The following LAMB4 variants were observed in gnomAD, a reference collection of about 807,000 sequenced individuals.
LAMB4 encodes the protein laminin subunit beta-4.
A neutral mutation model predicts 199.2 loss-of-function variants in LAMB4; 196 were observed. That is an observed-to-expected ratio of 0.98 (90% confidence interval 0.88 to 1.11). The LOEUF (loss-of-function observed/expected upper bound fraction) is 1.11. Ranked by LOEUF, LAMB4 falls within the 50% of genes least tolerant of loss-of-function variation. LAMB4 has a pLI of 0.00. For missense variants in LAMB4, 2,080 were observed against 2,171.2 expected, an observed-to-expected ratio of 0.96 and a Z score of 0.83; for synonymous variants, 744 against 770.6, an observed-to-expected ratio of 0.97 and a Z score of 0.57.
chr7:108,084,220 G>A (rs989979142), intron 14 of LAMB4, among the ~76,000 whole-genome samples: 9 of 152,218 alleles, frequency 5.9e-5, no homozygotes, highest in Admixed American at 3.9e-4. Context: ...ACCAACTGCA[G>A]CAGCCAGAGG....
At chr7:108,096,897 C>T (rs1227415813) in intron 11 of LAMB4, among the ~76,000 whole-genome samples, 1 of 125,684 alleles carries the variant, frequency 8.0e-6, no homozygotes. Context: ...GATTGTGCCA[C>T]TGTAAGCCAG....
intron 30 of LAMB4, among the ~76,000 whole-genome samples, chr7:108,037,095 G>T (rs1242179987): frequency 6.6e-6 from 1 of 151,854 alleles, no homozygotes; most frequent in South Asian, 2.1e-4. Context: ...TAAAGTATTG[G>T]CATATAATGA....
At chr7:108,061,513 C>A (rs1584658907) in intron 23 of LAMB4, among the ~76,000 whole-genome samples, 1 of 151,814 alleles carries the variant, frequency 6.6e-6, no homozygotes, top group Non-Finnish European at 1.5e-5. Context: ...CTGAGGTGGG[C>A]GGATCACTTG....
chr7:108,088,654 T>C lies in LAMB4; in HGVS notation c.1701+2972A>G, dbSNP rs180692300. Among the ~76,000 whole-genome samples the C allele has an allele frequency of 3.3e-5, 5 of 152,334 alleles. 1 individual carries two copies. Among genetic ancestry groups the C allele is most frequent in the South Asian group, 4.1e-4 (2 of 4,826 alleles). Reference sequence around the variant, plus strand: ...TTGGGTTTGCTTTTATTCTTATTCATAGTTTCATCTCCAACCTTTCTCTTC... The same window carrying C: ...TTGGGTTTGCTTTTATTCTTATTCACAGTTTCATCTCCAACCTTTCTCTTC... On this transcript the variant is annotated intron_variant, in intron 14 of 33. Coordinates refer to ENST00000388781, the MANE Select transcript of LAMB4 (RefSeq NM_007356.3).
rs754739499 is a variant in LAMB4, at chr7:108,042,937, C to CTGTGTGTGTGTGTGTGTG, written c.4471+797_4471+814dup. ...ATTAATCATCTCTCTCTCTCAATCT[C>CTGTGTGTGTGTGTGTGTG]TGTGTGTGTGTGTGTGTGTGTGTGT... On this transcript the variant is annotated intron_variant, in intron 29 of 33. Transcript: ENST00000388781. Among the ~76,000 whole-genome samples the CTGTGTGTGTGTGTGTGTG allele has an allele frequency of 8.7e-4, 122 of 140,380 alleles. 1 individual carries two copies. The highest frequency in any genetic ancestry group is 2.6e-3 in the African/African-American group (95 of 36,382). 92.1% of individuals were successfully genotyped at this position (140,380 alleles called of 152,430 possible). A position where few individuals can be genotyped will look rare whatever the true frequency, so the allele number is the denominator to read the frequency against.
intron 14 of LAMB4, among the ~76,000 whole-genome samples, chr7:108,085,343 A>G (rs1338895447): frequency 1.3e-5 from 2 of 152,224 alleles, no homozygotes; most frequent in African/African-American, 4.8e-5. Flanking sequence ...CAGTGATTCC[A>G]TGTGTGAGTT....
chr7:108,053,607 G>C (rs1258568483), intron 25 of LAMB4, among the ~76,000 whole-genome samples: 1 of 152,204 alleles, frequency 6.6e-6, no homozygotes. Context: ...GGTGGGCTAG[G>C]AGGGAACAGG....
chr7:108,095,000 G>A (rs777600693), intron 12 of LAMB4, among the ~76,000 whole-genome samples: 4 of 152,084 alleles, frequency 2.6e-5, no homozygotes, highest in Non-Finnish European at 4.4e-5. Flanking sequence ...GGTCGGTTTA[G>A]TCCAGTCCAG....
chr7:108,070,554 C>G (rs776694690), intron 17 of LAMB4, among the ~76,000 whole-genome samples: 20 of 152,204 alleles, frequency 1.3e-4, no homozygotes, highest in Non-Finnish European at 1.6e-4. Flanking sequence ...GGATGAAGAC[C>G]TTTGTGATGA....
At chr7:108,061,339 A>C (rs1403586020) in intron 23 of LAMB4, among the ~76,000 whole-genome samples, 1 of 152,230 alleles carries the variant, frequency 6.6e-6, no homozygotes, top group African/African-American at 2.4e-5. Context: ...TTAAATTAAT[A>C]TAAGGTGTTA....
chr7:108,076,142 A>G (rs892280033), intron 17 of LAMB4, among the ~76,000 whole-genome samples: 5 of 152,190 alleles, frequency 3.3e-5, no homozygotes, highest in Non-Finnish European at 4.4e-5. Context: ...TCAAATATAC[A>G]TATGTATCAA....
chr7:108,066,206 G>A (rs1231603536), intron 20 of LAMB4, among the ~76,000 whole-genome samples, 163 bp downstream of exon 20: 2 of 152,118 alleles, frequency 1.3e-5, no homozygotes, highest in Admixed American at 6.5e-5. Flanking sequence ...TTTCTGGCTC[G>A]TAAGATGATT....
chr7:108,093,960 C>T (rs1447031059), intron 12 of LAMB4, among the ~76,000 whole-genome samples: 1 of 152,196 alleles, frequency 6.6e-6, no homozygotes, highest in African/African-American at 2.4e-5. Context: ...AACTGCTTCC[C>T]ACAGGATGTG....
At chr7:108,017,928 C>T in the LAMB4 span, among the ~76,000 whole-genome samples, 1 of 152,222 alleles carries the variant, frequency 6.6e-6, no homozygotes, top group Admixed American at 6.5e-5. Flanking sequence ...GAAATGAGGA[C>T]ATGAAATTCA....
At chr7:108,109,343 T>G (rs1485838766) in intron 4 of LAMB4, 99 bp from the exon 5 acceptor site, 1 of 866,966 alleles carries the variant, frequency 1.2e-6, no homozygotes, top group Non-Finnish European at 1.9e-6. Flanking sequence ...AAAATCTCTT[T>G]GATGCCACAA....
intron 12 of LAMB4, 93 bp from the exon 13 acceptor site, chr7:108,092,509 G>A (rs1215377566): frequency 6.5e-6 from 6 of 925,820 alleles, no homozygotes; most frequent in South Asian, 2.7e-5. Context: ...ATTGCCACAC[G>A]TCAAATAGCC....
At chr7:108,104,920 G>A (rs1369230354) in intron 8 of LAMB4, among the ~76,000 whole-genome samples, 2 of 152,122 alleles carry the variant, frequency 1.3e-5, no homozygotes, top group African/African-American at 4.8e-5. Context: ...GGATGGCTAA[G>A]GGGTTTGTGG....
chr7:108,061,213 A>G (rs1266964265), intron 23 of LAMB4, among the ~76,000 whole-genome samples: 2 of 152,190 alleles, frequency 1.3e-5, no homozygotes, highest in Non-Finnish European at 2.9e-5. Flanking sequence ...GACTAAATAT[A>G]ATGTGTTCTG....
chr7:108,070,049 T>C (rs1374785840), intron 17 of LAMB4, among the ~76,000 whole-genome samples, 164 bp from the exon 18 acceptor site: 1 of 152,168 alleles, frequency 6.6e-6, no homozygotes, highest in Non-Finnish European at 1.5e-5. Context: ...TCAATTTATT[T>C]AAGAAATCTT....
Sources: allele counts gnomAD v4.1 joint callset (sites outside exome capture counted in the v4.1 genomes callset), GRCh38; gene constraint gnomAD v4.1.1; transcripts MANE v1.5; gene names NCBI Gene and HGNC (gene_info 2026-07-23, HGNC 2026-07-21).